The following CACNB2 variants were observed in gnomAD, a reference collection of about 807,000 sequenced individuals.
CACNB2 encodes voltage-dependent L-type calcium channel subunit beta-2.
CACNB2 carries 42 observed loss-of-function variants against 73.3 expected under a neutral mutation model. The ratio of observed to expected loss-of-function variants is 0.57; its 90% CI spans 0.45 to 0.74. The LOEUF is 0.74. CACNB2 is among the 30% of genes least tolerant of loss of function. The probability of loss-of-function intolerance (pLI) is 0.00; values close to 1 mark genes in which losing one functional copy is unlikely to be tolerated. For synonymous variants in CACNB2, 348 were observed against 310.3 expected (o/e 1.12, Z -1.28); for missense variants, 940 against 853.0 (o/e 1.10, Z -1.27).
intron 2 of CACNB2, among the ~76,000 whole-genome samples, chr10:18,270,673 T>A (rs964619479): frequency 2.0e-5 from 3 of 152,096 alleles, no homozygotes; most frequent in African/African-American, 7.2e-5. Flanking sequence ...TCAACACTCT[T>A]TTATTTGCCT....
intron 3 of CACNB2, among the ~76,000 whole-genome samples, chr10:18,438,183 A>ACT (rs1554819209): frequency 1.1e-5 from 1 of 93,962 alleles, no homozygotes. Context: ...ACACCTGGCG[A>ACT]TTTTTTTTTT....
At chr10:18,518,041 T>C (rs1478609947) in intron 7 of CACNB2, among the ~76,000 whole-genome samples, 2 of 152,240 alleles carry the variant, frequency 1.3e-5, no homozygotes, top group Non-Finnish European at 2.9e-5. Flanking sequence ...TGTTTCTCTT[T>C]GTTCTGTCAA....
intron 2 of CACNB2, among the ~76,000 whole-genome samples, chr10:18,385,248 A>C (rs747950106): frequency 1.3e-5 from 2 of 150,334 alleles, no homozygotes; most frequent in Non-Finnish European, 3.0e-5. Context: ...ATGCCACTGC[A>C]CTCCAGCCTG....
chr10:18,350,089 C>T (rs1050201615), intron 2 of CACNB2, among the ~76,000 whole-genome samples: 27 of 151,842 alleles, frequency 1.8e-4, no homozygotes, highest in Non-Finnish European at 2.9e-4. Flanking sequence ...ACTAAAAATA[C>T]AAAAAATTAG....
In CACNB2 at chr10:18,301,318, T is replaced by G. The variant is rs556052302; in HGVS notation, c.214-100606T>G. On this transcript the variant is annotated intron_variant, in intron 2 of 13. Transcript: ENST00000324631. ...ACATGGTTCTGGCATCTTTTCTGCC[T>G]TGATAAACAAGCTCCACAGTAATCC... Among the ~76,000 whole-genome samples the G allele has an allele frequency of 4.9e-4, 75 of 152,256 alleles. 1 individual carries two copies. The highest frequency in any genetic ancestry group is 1.7e-3 in the African/African-American group (72 of 41,564).
intron 10 of CACNB2, among the ~76,000 whole-genome samples, chr10:18,531,173 G>T (rs1247651117): frequency 6.6e-6 from 1 of 152,204 alleles, no homozygotes; most frequent in African/African-American, 2.4e-5. Context: ...TAGCCGCAAT[G>T]AAAGTAACCA....
intron 2 of CACNB2, among the ~76,000 whole-genome samples, chr10:18,299,069 AAAAAAAAAAAAT>A (rs1377419596): frequency 1.2e-5 from 1 of 80,988 alleles, no homozygotes; most frequent in African/African-American, 4.1e-5. Flanking sequence ...AAGTATACTA[AAAAAAAAAAAAT>A]AAAAAATAAA....
chr10:18,398,822 T>C (rs375753647), intron 2 of CACNB2, among the ~76,000 whole-genome samples: 49 of 152,254 alleles, frequency 3.2e-4, no homozygotes, highest in Admixed American at 1.4e-3. Context: ...GGTAGTCACA[T>C]CCTGTATTAT....
intron 2 of CACNB2, among the ~76,000 whole-genome samples, chr10:18,244,906 A>T (rs929855534): frequency 6.6e-6 from 1 of 152,184 alleles, no homozygotes; most frequent in African/African-American, 2.4e-5. Flanking sequence ...GACAGATAGG[A>T]AAGTTGGAGT....
intron 1 of CACNB2, among the ~76,000 whole-genome samples, chr10:18,141,949 A>G (rs1293900688): frequency 6.6e-6 from 1 of 152,200 alleles, no homozygotes; most frequent in African/African-American, 2.4e-5. Context: ...ATGTGTGTGT[A>G]TATATACTTA....
At chr10:18,306,161 A>T (rs1042021640) in intron 2 of CACNB2, among the ~76,000 whole-genome samples, 2 of 152,124 alleles carry the variant, frequency 1.3e-5, no homozygotes, top group Admixed American at 6.6e-5. Flanking sequence ...AGGATGGTGG[A>T]AGTCAGGCAC....
Position 18,536,045 on chromosome 10 carries a change from T to G in CACNB2, c.1207-56T>G, listed in dbSNP as rs79174173. ...CAGAGAAAGGAGTCAATAATGTACC[T>G]TGTACTTTACCTGGATGTAGTTATT... is the stretch of plus-strand genomic sequence containing the variant. On this transcript the variant is annotated intron_variant, in intron 11 of 13. Coordinates refer to ENST00000324631, the MANE Select transcript of CACNB2 (RefSeq NM_201596.3). 96 of 1,041,682 alleles carry G rather than the reference T, an allele frequency of 9.2e-5. No homozygotes were observed. In the East Asian group the frequency reaches 2.2e-3, roughly 24 times the overall value. The allele number at this position is 1,041,682 out of a possible 1,614,324, so 64.5% of individuals were successfully genotyped here. A position where few individuals can be genotyped will look rare whatever the true frequency, so the allele number is the denominator to read the frequency against.
chr10:18,425,366 G>A (rs2045542462), intron 3 of CACNB2, among the ~76,000 whole-genome samples: 1 of 152,092 alleles, frequency 6.6e-6, no homozygotes, highest in Admixed American at 6.6e-5. Context: ...TTGGGCTCTT[G>A]TTTAAGAAAT....
intron 2 of CACNB2, among the ~76,000 whole-genome samples, chr10:18,152,735 A>AC (rs2031695199): frequency 1.7e-5 from 2 of 121,114 alleles, no homozygotes; most frequent in African/African-American, 7.7e-5. Context: ...AAAAAAAACA[A>AC]AAAACAAAAC....
chr10:18,537,100 A>C (rs371700271), intron 12 of CACNB2, among the ~76,000 whole-genome samples: 153 of 152,096 alleles, frequency 1.0e-3, no homozygotes, highest in African/African-American at 1.6e-3. Flanking sequence ...TAATCCTCCC[A>C]CCTCGGCCCT....
At chr10:18,458,688 A>G (rs1179064611) in intron 3 of CACNB2, among the ~76,000 whole-genome samples, 1 of 152,166 alleles carries the variant, frequency 6.6e-6, no homozygotes, top group Non-Finnish European at 1.5e-5. Flanking sequence ...TTAGCATCCT[A>G]ACTGCAATGG....
intron 3 of CACNB2, among the ~76,000 whole-genome samples, chr10:18,452,872 G>C (rs1309804473): frequency 6.6e-6 from 1 of 152,186 alleles, no homozygotes; most frequent in Middle Eastern, 3.2e-3. Flanking sequence ...CTATACCTTA[G>C]TGCAGAAGGA....
intron 2 of CACNB2, among the ~76,000 whole-genome samples, chr10:18,306,327 G>C (rs2039726749): frequency 6.6e-6 from 1 of 152,156 alleles, no homozygotes; most frequent in Non-Finnish European, 1.5e-5. Flanking sequence ...CAAATTTCTG[G>C]AGAAAGTAGA....
At chr10:18,499,900 A>G (rs2050100070) in intron 4 of CACNB2, among the ~76,000 whole-genome samples, 1 of 151,966 alleles carries the variant, frequency 6.6e-6, no homozygotes. Flanking sequence ...GAGCCTGGAA[A>G]TTCAAGACAG....
Sources: gnomAD v4.1 joint callset for allele counts (sites outside exome capture counted in the v4.1 genomes callset) on GRCh38, gnomAD v4.1.1 for gene constraint, MANE v1.5 for transcripts, NCBI Gene and HGNC (gene_info 2026-07-23, HGNC 2026-07-21) for gene names.